The following SPAG16 variants were observed in gnomAD, a reference collection of about 807,000 sequenced individuals.
SPAG16 encodes sperm-associated antigen 16 protein.
SPAG16 carries 86 observed loss-of-function variants against 80.4 expected under a neutral mutation model. That is an observed-to-expected ratio of 1.07 (90% confidence interval 0.90 to 1.28). The LOEUF is 1.28. Ranked by LOEUF, SPAG16 falls within the 50% of genes most tolerant of loss-of-function variation. SPAG16 has a pLI of 0.00. For missense variants in SPAG16, 870 were observed against 765.3 expected (o/e 1.14, Z -1.61); for synonymous variants, 294 against 265.9 (o/e 1.11, Z -1.03).
At chr2:214,170,281 C>G (rs2056827699) in intron 15 of SPAG16, among the ~76,000 whole-genome samples, 1 of 142,718 alleles carries the variant, frequency 7.0e-6, no homozygotes. Flanking sequence ...GGTGTGCGTA[C>G]ATATACATAC....
intron 13 of SPAG16, among the ~76,000 whole-genome samples, chr2:214,038,126 CTG>C (rs1310240314): frequency 6.6e-6 from 1 of 151,980 alleles, no homozygotes; most frequent in East Asian, 1.9e-4. Context: ...GTTATATTTG[CTG>C]TGTTTCTCTA....
At chr2:214,202,675 A>C (rs1912167) in intron 15 of SPAG16, among the ~76,000 whole-genome samples, 152,234 of 152,258 alleles carry the variant, frequency 1, 76,105 homozygotes, top group Middle Eastern at 1. Context: ...TTAAGAAGGA[A>C]GTTGCACTTC....
intron 14 of SPAG16, among the ~76,000 whole-genome samples, chr2:214,110,985 T>C (rs916602665): frequency 6.6e-6 from 1 of 152,308 alleles, no homozygotes; most frequent in Admixed American, 6.5e-5. Context: ...GGATTTTTTT[T>C]TTCCTAGTAA....
intron 9 of SPAG16, among the ~76,000 whole-genome samples, chr2:213,438,288 A>G (rs1479771751): frequency 2.6e-5 from 4 of 152,194 alleles, no homozygotes; most frequent in Non-Finnish European, 5.9e-5. Flanking sequence ...TGCTTAGGTC[A>G]TGTGCCAATT....
chr2:213,423,829 T>G (rs2069744450), intron 9 of SPAG16, among the ~76,000 whole-genome samples: 1 of 152,204 alleles, frequency 6.6e-6, no homozygotes, highest in Non-Finnish European at 1.5e-5. Flanking sequence ...AGATTCTCCC[T>G]CAAAAGCCTT....
chr2:213,922,645 A>G (rs2078277731), intron 11 of SPAG16, among the ~76,000 whole-genome samples: 1 of 152,084 alleles, frequency 6.6e-6, no homozygotes, highest in Admixed American at 6.5e-5. Context: ...GCTTTTTCTA[A>G]TTTGTGTGGG....
intron 10 of SPAG16, among the ~76,000 whole-genome samples, chr2:213,706,434 T>C (rs960796182): frequency 6.6e-6 from 1 of 152,232 alleles, no homozygotes; most frequent in African/African-American, 2.4e-5. Flanking sequence ...AAATTTTTTT[T>C]GGAAAGAATT....
chr2:213,860,468 T>TATATATATATA (rs1559529560), intron 10 of SPAG16, among the ~76,000 whole-genome samples: 1 of 126,402 alleles, frequency 7.9e-6, no homozygotes, highest in Non-Finnish European at 1.7e-5. Context: ...TACAGATATA[T>TATATATATATA]CTATCTATAT....
At chr2:213,935,151 G>A (rs1031822298) in intron 12 of SPAG16, among the ~76,000 whole-genome samples, 2 of 144,328 alleles carry the variant, frequency 1.4e-5, no homozygotes, top group African/African-American at 2.6e-5. Context: ...GCAGTGAGCC[G>A]AGATAGCGCC....
intron 9 of SPAG16, among the ~76,000 whole-genome samples, chr2:213,393,320 A>G (rs2067865764): frequency 6.6e-6 from 1 of 151,792 alleles, no homozygotes; most frequent in Admixed American, 6.6e-5. Flanking sequence ...AATATAGCAT[A>G]ATGAAAAAAT....
At position 213,355,850 on chromosome 2, in the gene SPAG16, C is replaced by T. The variant is rs529948135; in HGVS notation, c.762+5205C>T. Among the ~76,000 whole-genome samples, 195 of 152,270 alleles carry T rather than the reference C, an allele frequency of 1.3e-3. 3 individuals carry two copies. Among genetic ancestry groups the T allele is most frequent in the Non-Finnish European group, 3.1e-4 (21 of 68,026 alleles). On this transcript the variant is annotated intron_variant, in intron 7 of 15. Coordinates refer to ENST00000331683, the MANE Select transcript of SPAG16 (RefSeq NM_024532.5). The stretch of plus-strand genomic sequence containing the variant: ...CTCCCTCTTTTTCTAATCGAATCCC[C>T]TTTATTTCTTTCTCTTGCCTGATTG...
intron 10 of SPAG16, among the ~76,000 whole-genome samples, chr2:213,849,473 TAAAA>T (rs895110664): frequency 1.3e-5 from 2 of 152,162 alleles, no homozygotes; most frequent in Admixed American, 1.3e-4. Flanking sequence ...ACTTCAATGA[TAAAA>T]AAATTAATAT....
chr2:213,348,019 C>T (rs1431157939), intron 6 of SPAG16, among the ~76,000 whole-genome samples: 2 of 152,128 alleles, frequency 1.3e-5, no homozygotes, highest in African/African-American at 4.8e-5. Context: ...GTGTGGGAGT[C>T]TAAGTCTTTT....
intron 9 of SPAG16, among the ~76,000 whole-genome samples, chr2:213,487,714 A>C (rs1451770345): frequency 6.6e-6 from 1 of 152,060 alleles, no homozygotes; most frequent in East Asian, 1.9e-4. Flanking sequence ...TCTTTCTATG[A>C]TTATTGGTTT....
chr2:213,442,449 G>C (rs2071029754), intron 9 of SPAG16, among the ~76,000 whole-genome samples: 1 of 152,140 alleles, frequency 6.6e-6, no homozygotes, highest in South Asian at 2.1e-4. Flanking sequence ...GTATTCAAAA[G>C]ACAGAACAGC....
intron 10 of SPAG16, among the ~76,000 whole-genome samples, chr2:213,739,960 T>G (rs2067470910): frequency 6.6e-6 from 1 of 152,200 alleles, no homozygotes; most frequent in South Asian, 2.1e-4. Flanking sequence ...TTAATATATT[T>G]GAATTTCAAA....
intron 10 of SPAG16, among the ~76,000 whole-genome samples, chr2:213,514,079 C>T (rs1266311698): frequency 6.6e-6 from 1 of 152,062 alleles, no homozygotes; most frequent in Non-Finnish European, 1.5e-5. Context: ...AATGGTATCA[C>T]AGAACAAAGA....
chr2:214,110,436 T>G (rs1282061901), intron 14 of SPAG16, among the ~76,000 whole-genome samples: 1 of 152,316 alleles, frequency 6.6e-6, no homozygotes, highest in Non-Finnish European at 1.5e-5. Context: ...GGTTTCCAGC[T>G]TCACCCATGT....
At chr2:214,114,303 G>A (rs750472751) in intron 14 of SPAG16, among the ~76,000 whole-genome samples, 6 of 152,206 alleles carry the variant, frequency 3.9e-5, no homozygotes, top group Non-Finnish European at 5.9e-5. Flanking sequence ...ACTTGAGGAG[G>A]CAGGCTGTCC....
Sources: gnomAD v4.1 joint callset for allele counts (sites outside exome capture counted in the v4.1 genomes callset) on GRCh38, gnomAD v4.1.1 for gene constraint, MANE v1.5 for transcripts, NCBI Gene and HGNC (gene_info 2026-07-23, HGNC 2026-07-21) for gene names.